The following SYCP2L variants were observed in gnomAD, a reference collection of about 807,000 sequenced individuals.
The protein encoded by SYCP2L is synaptonemal complex protein 2 like.
A neutral mutation model predicts 125.8 loss-of-function variants in SYCP2L; 98 were observed. The observed-to-expected ratio is 0.78, with a 90% CI of 0.66 to 0.92. The LOEUF (loss-of-function observed/expected upper bound fraction) is 0.92. Among genes scored for constraint, SYCP2L ranks in the 40% least tolerant of loss-of-function variants. SYCP2L has a pLI of 0.00. For synonymous variants in SYCP2L, 317 were observed against 325.4 expected (o/e 0.97, Z 0.28); for missense variants, 842 against 936.4 (o/e 0.90, Z 1.32).
intron 10 of SYCP2L, among the ~76,000 whole-genome samples, chr6:10,909,763 G>A (rs943272107): frequency 2.0e-5 from 3 of 152,222 alleles, no homozygotes; most frequent in Non-Finnish European, 4.4e-5. Context: ...GTTGGTTAGT[G>A]CTGTGCAGGT....
In SYCP2L at chr6:10,912,923, A is replaced by G. The variant is rs1780635246; in HGVS notation, c.1068A>G (p.Ile356Met). The change falls in exon 14 of 30, where the codon ATA becomes ATG. Residue 356 changes from isoleucine to methionine, a missense_variant. Transcript: ENST00000283141. The surrounding 1 kb of genome is among the most constrained non-coding windows in gnomAD (Gnocchi z 4.1). ...AGGAAGCGGTGATGAATTTCAGCAT[A>G]ACAGGTAATATGATACATTTAAACA... is the stretch of plus-strand genomic sequence containing the variant. ...LPKEAVMNFS[I>M]TETEKIKIFI... 1.2e-6 allele frequency: 2 copies of G among 1,613,492 alleles called. No homozygotes were observed. Among genetic ancestry groups the G allele is most frequent in the East Asian group, 2.2e-5 (1 of 44,872 alleles).
intron 23 of SYCP2L, among the ~76,000 whole-genome samples, chr6:10,944,447 A>G (rs149251458): frequency 6.6e-6 from 1 of 152,062 alleles, no homozygotes; most frequent in Non-Finnish European, 1.5e-5. Flanking sequence ...ATCTTCTTCC[A>G]CTGTGTGGTC....
intron 23 of SYCP2L, among the ~76,000 whole-genome samples, chr6:10,953,976 A>C (rs1210543242): frequency 6.6e-6 from 1 of 151,560 alleles, no homozygotes; most frequent in Non-Finnish European, 1.5e-5. Context: ...CGTGCCTGGG[A>C]TGTCCAAGGA....
chr6:10,910,694 A>AC lies in SYCP2L; in HGVS notation c.873-125dup. 5.2e-6 allele frequency: 5 copies of AC among 956,054 alleles called. No individual in the cohort carries two copies. In the South Asian group the frequency reaches 7.0e-5, roughly 13 times the overall value. The allele number at this position is 956,054 out of a possible 1,614,324, so 59.2% of individuals were successfully genotyped here. ...GTAGGTCTCCATTTGCAGGCTTGAA[A>AC]CCCCCTATTGTACTCTGTACGAGGA... On this transcript the variant is annotated intron_variant, in intron 11 of 29. Transcript: ENST00000283141.
chr6:10,891,895 A>G (rs1365529708), intron 2 of SYCP2L, among the ~76,000 whole-genome samples: 2 of 152,258 alleles, frequency 1.3e-5, no homozygotes, highest in Non-Finnish European at 2.9e-5. Flanking sequence ...CTAAATGCAG[A>G]TAGATGATAC....
At chr6:10,928,474 A>G in intron 18 of SYCP2L, 24 bp downstream of exon 18, 2 of 1,566,530 alleles carry the variant, frequency 1.3e-6, no homozygotes, top group South Asian at 1.2e-5. Flanking sequence ...GTGGGGCTCA[A>G]GTTTCTTATC....
intron 29 of SYCP2L, among the ~76,000 whole-genome samples, chr6:10,970,278 T>C (rs1355489399): frequency 6.6e-6 from 1 of 152,170 alleles, no homozygotes; most frequent in African/African-American, 2.4e-5. Context: ...TATATTAATA[T>C]ACTTAGTATA....
Position 10,942,491 on chromosome 6 carries a change from T to C in SYCP2L, c.1846T>C (p.Ser616Pro). The C allele has an allele frequency of 6.2e-7, 1 of 1,600,376 alleles. No homozygotes were observed. The highest frequency in any genetic ancestry group is 8.5e-7 in the Non-Finnish European group (1 of 1,176,070). The change falls in exon 22 of 30, where the codon TCT (serine) becomes CCT (proline). Residue 616 changes from serine to proline, a missense_variant. Ser to Pro is a moderately conservative substitution (Grantham distance 74). Coordinates refer to ENST00000283141, the MANE Select transcript of SYCP2L (RefSeq NM_001040274.3). ...AGATCCTCACTCACTGAGTGAGCTC[T>C]CTTCCTTGAAGCACTCAGAAGATGA... The part of the protein sequence containing the change: ...LQDPHSLSEL[S>P]SLKHSEDEEK...
intron 29 of SYCP2L, among the ~76,000 whole-genome samples, chr6:10,964,708 G>A (rs1781650888): frequency 6.6e-6 from 1 of 152,102 alleles, no homozygotes; most frequent in African/African-American, 2.4e-5. Context: ...ATTTTTTGAA[G>A]GAAGATAGAA....
At chr6:10,964,685 C>T (rs997538991) in intron 29 of SYCP2L, among the ~76,000 whole-genome samples, 2 of 151,986 alleles carry the variant, frequency 1.3e-5, no homozygotes, top group Admixed American at 1.3e-4. Flanking sequence ...GGAGGCAACC[C>T]ATTAAAAGAT....
At chr6:10,969,358 CTTTTTTTT>C (rs534262433) in intron 29 of SYCP2L, among the ~76,000 whole-genome samples, 1 of 105,032 alleles carries the variant, frequency 9.5e-6, no homozygotes, top group Admixed American at 1.1e-4. Flanking sequence ...AGGAAATTAT[CTTTTTTTT>C]TTTTTTTTTT....
At chr6:10,902,618 A>G (rs1416405259) in intron 6 of SYCP2L, 59 bp from the exon 7 acceptor site, 2 of 1,410,448 alleles carry the variant, frequency 1.4e-6, no homozygotes, top group Non-Finnish European at 2.0e-6. Flanking sequence ...GACCGTGTGT[A>G]GGAGTCATTT....
At chr6:10,926,471 C>T in intron 16 of SYCP2L, 39 bp downstream of exon 16, 1 of 1,516,878 alleles carries the variant, frequency 6.6e-7, no homozygotes, top group Non-Finnish European at 9.1e-7. Context: ...CCTGAGTTTT[C>T]TGTAAAAGCG....
At chr6:10,941,074 G>A (rs922625069) in intron 21 of SYCP2L, among the ~76,000 whole-genome samples, 1 of 152,160 alleles carries the variant, frequency 6.6e-6, no homozygotes, top group African/African-American at 2.4e-5. Context: ...TTTAATAAGT[G>A]GTGCTGGGAA....
chr6:10,923,846 G>C (rs1307687384), intron 14 of SYCP2L, among the ~76,000 whole-genome samples: 1 of 151,394 alleles, frequency 6.6e-6, no homozygotes, highest in African/African-American at 2.4e-5. Context: ...ACCACGCCCG[G>C]CTAATTTTTT....
At chr6:10,947,402 C>T (rs1256587227) in intron 23 of SYCP2L, among the ~76,000 whole-genome samples, 2 of 151,730 alleles carry the variant, frequency 1.3e-5, no homozygotes, top group African/African-American at 4.8e-5. Context: ...AATATTAAAC[C>T]ATCCCACACA....
At chr6:10,930,280 C>G in intron 18 of SYCP2L, 90 bp from the exon 19 acceptor site, 1 of 1,391,238 alleles carries the variant, frequency 7.2e-7, no homozygotes. Flanking sequence ...GGGTACTTCT[C>G]TTATCTCTAG....
At position 10,928,590 on chromosome 6, in the gene SYCP2L, G is replaced by C. The variant is rs777610674; in HGVS notation, c.1488+140G>C. ...TTTAAAAAAATTTTTTTAAGACAAG[G>C]CCTTGTTCTGTCATCATAGCTCACC... On this transcript the variant is annotated intron_variant, in intron 18 of 29. Transcript: ENST00000283141. 493 of 1,231,014 alleles carry C rather than the reference G, an allele frequency of 4.0e-4. 1 individual carries two copies. Among genetic ancestry groups the C allele is most frequent in the Middle Eastern group, 1.3e-3 (6 of 4,788 alleles). The allele number at this position is 1,231,014 out of a possible 1,614,324, so 76.3% of individuals were successfully genotyped here.
At chr6:10,908,993 G>T (rs773096671) in intron 10 of SYCP2L, among the ~76,000 whole-genome samples, 4 of 152,032 alleles carry the variant, frequency 2.6e-5, no homozygotes, top group African/African-American at 4.8e-5. Context: ...GCGCTCACGT[G>T]TTAATTTCCT....
Sources: allele counts gnomAD v4.1 joint callset (sites outside exome capture counted in the v4.1 genomes callset), GRCh38; gene constraint gnomAD v4.1.1; non-coding constraint Gnocchi (gnomAD v3.1); transcripts MANE v1.5; gene names NCBI Gene and HGNC (gene_info 2026-07-23, HGNC 2026-07-21).